TARBP1: variants seen among roughly 807,000 people sequenced by gnomAD.
TARBP1 encodes tRNA guanosine 2 -O-methyltransferase TARBP1, also known as tRNA (guanosine(18)-2'-O)-methyltransferase TARBP1.
A neutral mutation model predicts 178.6 loss-of-function variants in TARBP1; 144 were observed. That is an observed-to-expected ratio of 0.81 (90% CI 0.70 to 0.93). The LOEUF (loss-of-function observed/expected upper bound fraction) is 0.93. TARBP1 is among the 40% of genes least tolerant of loss of function. The pLI, the probability that TARBP1 is intolerant of heterozygous loss-of-function variation, is 0.00. For synonymous variants in TARBP1, 787 were observed against 781.0 expected (o/e 1.01, Z -0.13); for missense variants, 2,067 against 2,011.7 (o/e 1.03, Z -0.53).
intron 28 of TARBP1, among the ~76,000 whole-genome samples, chr1:234,392,889 T>C (rs1283260152): frequency 6.6e-6 from 1 of 152,028 alleles, no homozygotes; most frequent in African/African-American, 2.4e-5. Flanking sequence ...TTTTTTTTAT[T>C]TTTTATTTTT....
At position 234,392,424 on chromosome 1, in the gene TARBP1, G is replaced by A. The variant is rs377007975; in HGVS notation, c.4689C>T (p.Leu1563=). 1.2e-6 allele frequency: 2 copies of A among 1,614,036 alleles called. No individual in the cohort carries two copies. Among genetic ancestry groups the A allele is most frequent in the Non-Finnish European group, 1.7e-6 (2 of 1,179,954 alleles). Residue 1563 remains leucine (L), a synonymous_variant, in exon 29 of 30, where the codon CTC becomes CTT. Transcript: ENST00000040877. ...CACAAGAAGCTTCTTACCCCAACAA[G>A]AGCAGAGATTTCTCAGGAAAGCAAT... ...TQYCFPEKSL[L]LLGNEREGIP... is the part of the protein sequence containing the mutation.
chr1:234,467,326 G>T (rs375484143), intron 4 of TARBP1, among the ~76,000 whole-genome samples, 176 bp downstream of exon 4: 2 of 152,160 alleles, frequency 1.3e-5, no homozygotes, highest in Admixed American at 6.5e-5. Flanking sequence ...CAGTTCTACC[G>T]TTGGGCTTGT....
At chr1:234,457,869 G>C in intron 8 of TARBP1, 113 bp from the exon 9 acceptor site, 3 of 627,964 alleles carry the variant, frequency 4.8e-6, no homozygotes, top group Non-Finnish European at 8.2e-6. Context: ...GTTATCATTA[G>C]CTAAATCAAA....
chr1:234,471,630 G>A lies in TARBP1; in HGVS notation c.1030-373C>T, dbSNP rs972789491. ...ACTCAAGTTGTTCATGGCTGCACAC[G>A]CTTAGAACGGCCAGTTCGGAGTTCC... On this transcript the variant is annotated intron_variant, in intron 2 of 29. Coordinates refer to ENST00000040877, the MANE Select transcript of TARBP1 (RefSeq NM_005646.4). 2.6e-5 allele frequency among the ~76,000 whole-genome samples: 4 copies of A among 152,296 alleles called. No individual in the cohort carries two copies. The East Asian group carries it at 5.8e-4, about 22-fold the overall frequency.
At chr1:234,413,015 C>T (rs151203969) in intron 22 of TARBP1, among the ~76,000 whole-genome samples, 148 of 152,246 alleles carry the variant, frequency 9.7e-4, no homozygotes, top group African/African-American at 3.5e-3. Flanking sequence ...CCCGACCCGC[C>T]GGAAAGCTCA....
chr1:234,466,076 A>G (rs1457402384), intron 4 of TARBP1, among the ~76,000 whole-genome samples: 3 of 150,242 alleles, frequency 2.0e-5, no homozygotes, highest in Admixed American at 6.8e-5. Flanking sequence ...CTATGCCTAG[A>G]GGATAAAGAG....
chr1:234,417,058 C>T (rs1662509426), intron 22 of TARBP1, among the ~76,000 whole-genome samples: 1 of 152,186 alleles, frequency 6.6e-6, no homozygotes, highest in Non-Finnish European at 1.5e-5. Context: ...TGAGGATCAG[C>T]TGTGGAGAAA....
chr1:234,452,255 T>A (rs1013438189), intron 9 of TARBP1, among the ~76,000 whole-genome samples: 1 of 152,116 alleles, frequency 6.6e-6, no homozygotes, highest in Non-Finnish European at 1.5e-5. Flanking sequence ...GTCTCAAAAA[T>A]CTATTTGGAC....
At chr1:234,449,681 T>C (rs1447601724) in intron 10 of TARBP1, among the ~76,000 whole-genome samples, 1 of 152,234 alleles carries the variant, frequency 6.6e-6, no homozygotes, top group Non-Finnish European at 1.5e-5. Flanking sequence ...AGGATAATTA[T>C]CTGATCATTT....
chr1:234,411,684 T>C (rs1302893442), intron 22 of TARBP1, among the ~76,000 whole-genome samples: 1 of 152,140 alleles, frequency 6.6e-6, no homozygotes, highest in Non-Finnish European at 1.5e-5. Context: ...ATCAGCTATC[T>C]TAGGGAAAAT....
chr1:234,421,245 C>T (rs112973926), intron 20 of TARBP1, among the ~76,000 whole-genome samples: 7 of 152,224 alleles, frequency 4.6e-5, no homozygotes, highest in African/African-American at 1.4e-4. Flanking sequence ...CCCGCCACCA[C>T]ACCCAGCTAA....
intron 7 of TARBP1, 27 bp from the exon 8 acceptor site, chr1:234,459,353 T>C (rs1417572966): frequency 1.3e-6 from 2 of 1,521,368 alleles, no homozygotes; most frequent in South Asian, 2.4e-5. Flanking sequence ...AAAAATGCAG[T>C]TCCGTATTCC....
chr1:234,456,651 A>G (rs1188579224), intron 9 of TARBP1, among the ~76,000 whole-genome samples: 2 of 152,236 alleles, frequency 1.3e-5, no homozygotes, highest in Non-Finnish European at 2.9e-5. Flanking sequence ...AAAATTTAAA[A>G]CAGTTTAATC....
intron 21 of TARBP1, 127 bp from the exon 22 acceptor site, chr1:234,418,360 G>T: frequency 1.3e-6 from 1 of 750,606 alleles, no homozygotes. Context: ...AACTCTCCGA[G>T]CAAAGACTCT....
chr1:234,425,693 C>T lies in TARBP1; in HGVS notation c.3424G>A (p.Ala1142Thr). 1 of 1,611,730 alleles carries T rather than the reference C, an allele frequency of 6.2e-7. No homozygotes were observed. Among genetic ancestry groups the T allele is most frequent in the South Asian group, 1.1e-5 (1 of 90,446 alleles). The change falls in exon 20 of 30, where the codon GCA becomes ACA. Residue 1142 changes from alanine to threonine, a missense_variant. Physicochemically the swap from Ala to Thr is moderately conservative, Grantham distance 58. Coordinates refer to ENST00000040877, the MANE Select transcript of TARBP1 (RefSeq NM_005646.4). Reference sequence around the variant, plus strand: ...CTTACTTTATCTAATAGCTTGATTGCAAGATCCTCAATAAACAACTTGTGG... The same window carrying T: ...CTTACTTTATCTAATAGCTTGATTGTAAGATCCTCAATAAACAACTTGTGG... ...MSHKLFIEDL[A>T]IKLLDKDELV... is the part of the protein sequence containing the mutation.
chr1:234,466,202 T>C (rs1038276595), intron 4 of TARBP1, among the ~76,000 whole-genome samples: 1 of 152,166 alleles, frequency 6.6e-6, no homozygotes, highest in African/African-American at 2.4e-5. Context: ...CCACAGCATA[T>C]ATTAAAATAA....
At chr1:234,451,465 GGGCCGGGCGCGGTGGCTCACGCCTGT>G (rs1666744415) in intron 9 of TARBP1, among the ~76,000 whole-genome samples, 1 of 112,368 alleles carries the variant, frequency 8.9e-6, no homozygotes, top group Non-Finnish European at 1.7e-5. Context: ...ACTGATGAAT[GGGCCGGGCGCGGTGGCTCACGCCTGT>G]AATCCCAGCA....
At chr1:234,419,355 C>T (rs1020832024) in intron 21 of TARBP1, among the ~76,000 whole-genome samples, 1 of 152,078 alleles carries the variant, frequency 6.6e-6, no homozygotes, top group Admixed American at 6.5e-5. Flanking sequence ...TGTAGTTAGG[C>T]TTGATTTTGA....
chr1:234,462,999 C>G (rs936998013), intron 6 of TARBP1, among the ~76,000 whole-genome samples: 3 of 152,210 alleles, frequency 2.0e-5, no homozygotes, highest in Non-Finnish European at 2.9e-5. Context: ...TGCTGCTCAG[C>G]AAACAAAAAT....
Sources: gnomAD v4.1 joint callset for allele counts (sites outside exome capture counted in the v4.1 genomes callset) on GRCh38, gnomAD v4.1.1 for gene constraint, MANE v1.5 for transcripts, NCBI Gene and HGNC (gene_info 2026-07-23, HGNC 2026-07-21) for gene names.